RNF220: variants seen among roughly 807,000 people sequenced by gnomAD.
The protein encoded by RNF220 is ring finger protein 220.
RNF220 carries 7 observed loss-of-function variants against 67.1 expected under a neutral mutation model. That is an observed-to-expected ratio of 0.10 (90% CI 0.06 to 0.20). The LOEUF (loss-of-function observed/expected upper bound fraction) is 0.20, where lower values mean the gene tolerates loss of function less well. RNF220 is among the 10% of genes least tolerant of loss of function. RNF220 has a pLI of 1.00. For synonymous variants in RNF220, 270 were observed against 283.2 expected (o/e 0.95, Z 0.47); for missense variants, 565 against 740.3 (o/e 0.76, Z 2.75).
intron 2 of RNF220, among the ~76,000 whole-genome samples, chr1:44,497,338 G>C (rs1027305183): frequency 1.4e-5 from 2 of 147,950 alleles, no homozygotes; most frequent in Non-Finnish European, 3.0e-5. Context: ...CCCCTTCCCT[G>C]ACACACACAC....
rs144444974 is a variant in RNF220, at chr1:44,469,735, A to G, written c.625+57013A>G. On this transcript the variant is annotated intron_variant, in intron 2 of 14. Transcript: ENST00000361799. ...GCCTGAGTATGATATTACCCAGACA[A>G]AAATTTTTGCAAAGTTGAACTGATT... Among the ~76,000 whole-genome samples the G allele has an allele frequency of 2.6e-5, 4 of 152,344 alleles. No individual in the cohort carries two copies. In the East Asian group the frequency reaches 7.7e-4, roughly 29 times the overall value.
At chr1:44,538,767 T>A (rs1326532951) in intron 2 of RNF220, among the ~76,000 whole-genome samples, 1 of 151,422 alleles carries the variant, frequency 6.6e-6, no homozygotes, top group Non-Finnish European at 1.5e-5. Flanking sequence ...ACTACAAAAA[T>A]TAGCTGGGCG....
At position 44,626,444 on chromosome 1, in the gene RNF220, G is replaced by A. The variant is rs765225427; in HGVS notation, c.906+46G>A. ...GCCATGAGAAGCAAGCTCACCTGGG[G>A]GAGGGCTTCAAGAGCCTGCCCGGTG... On this transcript the variant is annotated intron_variant, in intron 5 of 14. Coordinates refer to ENST00000361799, the MANE Select transcript of RNF220 (RefSeq NM_018150.4). 1.7e-5 allele frequency: 25 copies of A among 1,495,068 alleles called. No homozygotes were observed. The South Asian group carries it at 2.8e-4, about 17-fold the overall frequency. 92.6% of individuals were successfully genotyped at this position (1,495,068 alleles called of 1,614,324 possible).
rs530615791 is a variant in RNF220 at position 44,614,498 on chromosome 1, G to T, written c.758+201G>T. ...CCTTCCTCTTCTTGCTCTATTTTTGGAGATGGGAGGAGAGTGACCCCGCAG... is the reference window on the plus strand; with the variant it reads ...CCTTCCTCTTCTTGCTCTATTTTTGTAGATGGGAGGAGAGTGACCCCGCAG... On this transcript the variant is annotated intron_variant, in intron 3 of 14. Transcript: ENST00000361799. Among the ~76,000 whole-genome samples the T allele has an allele frequency of 3.3e-5, 5 of 152,294 alleles. No individual in the cohort carries two copies. The South Asian group carries it at 1.0e-3, about 32-fold the overall frequency.
chr1:44,463,457 A>G (rs752707670), intron 2 of RNF220, among the ~76,000 whole-genome samples: 10 of 151,990 alleles, frequency 6.6e-5, no homozygotes, highest in Non-Finnish European at 1.3e-4. Flanking sequence ...AACCTTTAAA[A>G]TTTTGTAATT....
At chr1:44,512,751 G>A (rs946494534) in intron 2 of RNF220, among the ~76,000 whole-genome samples, 9 of 152,338 alleles carry the variant, frequency 5.9e-5, no homozygotes, top group South Asian at 2.1e-4. Flanking sequence ...CTGGCCAAGC[G>A]GAGGGGTGTG....
chr1:44,458,759 G>T (rs1364804170), intron 2 of RNF220, among the ~76,000 whole-genome samples: 46 of 152,152 alleles, frequency 3.0e-4, no homozygotes, highest in Non-Finnish European at 2.9e-5. Context: ...CAGGAATAAA[G>T]AAATTTTGGA....
intron 1 of RNF220, among the ~76,000 whole-genome samples, chr1:44,411,754 G>T (rs545808911): frequency 1.3e-5 from 2 of 152,216 alleles, no homozygotes; most frequent in African/African-American, 4.8e-5. Context: ...CACCCAGAAC[G>T]TGTAGGGACC....
At chr1:44,643,090 A>C (rs1234197976) in intron 8 of RNF220, 3 of 152,470 alleles carry the variant, frequency 2.0e-5, no homozygotes, top group Non-Finnish European at 4.4e-5. Context: ...CTGCTGCCTC[A>C]AGTGTGTCAG....
intron 3 of RNF220, among the ~76,000 whole-genome samples, chr1:44,614,838 T>G (rs1461861734): frequency 1.3e-5 from 2 of 148,814 alleles, no homozygotes; most frequent in South Asian, 4.4e-4. Context: ...AAGGGCCTGG[T>G]GGAGGAGCCA....
At chr1:44,531,439 G>A (rs35769065) in intron 2 of RNF220, among the ~76,000 whole-genome samples, 8,816 of 152,184 alleles carry the variant, frequency 0.058, 346 homozygotes, top group Middle Eastern at 0.088. Context: ...GACTCACTCC[G>A]TTCCAAGCAT....
intron 2 of RNF220, among the ~76,000 whole-genome samples, chr1:44,524,203 C>T (rs1439693620): frequency 1.3e-5 from 2 of 152,120 alleles, no homozygotes; most frequent in East Asian, 1.9e-4. Flanking sequence ...GTTATTTAGT[C>T]TAGAGCCTGG....
At chr1:44,405,244 A>G (rs1298614372), upstream of RNF220, 4 of 366,192 alleles carry the variant, frequency 1.1e-5, no homozygotes, top group Non-Finnish European at 2.0e-5. Flanking sequence ...TCCCTGGGAG[A>G]GTGGAGGCTC....
At chr1:44,596,032 G>C (rs939652219) in intron 2 of RNF220, among the ~76,000 whole-genome samples, 2 of 152,190 alleles carry the variant, frequency 1.3e-5, no homozygotes, top group Admixed American at 1.3e-4. Context: ...CCAAAGTGCT[G>C]GGATTACGGG....
chr1:44,469,704 A>G (rs1319295637), intron 2 of RNF220, among the ~76,000 whole-genome samples: 3 of 152,244 alleles, frequency 2.0e-5, no homozygotes, highest in African/African-American at 4.8e-5. Context: ...ATGCAGTGCT[A>G]TGAGAGCCTG....
chr1:44,487,067 G>A (rs956637497), intron 2 of RNF220, among the ~76,000 whole-genome samples: 1 of 152,166 alleles, frequency 6.6e-6, no homozygotes, highest in Non-Finnish European at 1.5e-5. Context: ...AGGTGCGGTG[G>A]CTCACACCTG....
intron 2 of RNF220, among the ~76,000 whole-genome samples, chr1:44,427,444 C>G (rs1649907080): frequency 1.3e-5 from 2 of 152,224 alleles, no homozygotes; most frequent in African/African-American, 2.4e-5. Context: ...GGCCCACTCA[C>G]AAGCCCTTTT....
chr1:44,596,100 T>C (rs1666466090), intron 2 of RNF220, among the ~76,000 whole-genome samples: 1 of 152,188 alleles, frequency 6.6e-6, no homozygotes, highest in Non-Finnish European at 1.5e-5. Context: ...TCTAAATGAC[T>C]CTTCTGGAAA....
chr1:44,503,290 C>T lies in RNF220; in HGVS notation c.625+90568C>T, dbSNP rs189586597. Among the ~76,000 whole-genome samples, 151 of 144,390 alleles carry T rather than the reference C, an allele frequency of 1.0e-3. 4 individuals carry two copies. The East Asian group carries it at 0.029, about 28-fold the overall frequency. 94.7% of individuals were successfully genotyped at this position (144,390 alleles called of 152,430 possible). ...CAGAGGTTGCAGTGAACCGAGATTG[C>T]GCTACTGCACTCCAGCCTGGGTGAC... On this transcript the variant is annotated intron_variant, in intron 2 of 14. Transcript: ENST00000361799.
Sources: allele counts gnomAD v4.1 joint callset (sites outside exome capture counted in the v4.1 genomes callset), GRCh38; gene constraint gnomAD v4.1.1; transcripts MANE v1.5; gene names NCBI Gene and HGNC (gene_info 2026-07-23, HGNC 2026-07-21).